Variants in PRORP observed in about 807,000 individuals in gnomAD.
PRORP encodes mitochondrial ribonuclease P catalytic subunit.
A neutral mutation model predicts 59.4 loss-of-function variants in PRORP; 51 were observed. That is an observed-to-expected ratio of 0.86 (90% CI 0.69 to 1.08). The LOEUF is 1.08. PRORP is among the 50% of genes least tolerant of loss of function. The pLI, the probability that PRORP is intolerant of heterozygous loss-of-function variation, is 0.00. For missense variants in PRORP, 646 were observed against 690.3 expected, an observed-to-expected ratio of 0.94 and a Z score of 0.72; for synonymous variants, 231 against 245.6, an observed-to-expected ratio of 0.94 and a Z score of 0.55.
chr14:35,230,781 A>G (rs574951529), intron 5 of PRORP, among the ~76,000 whole-genome samples: 1 of 152,334 alleles, frequency 6.6e-6, no homozygotes, highest in East Asian at 1.9e-4. Flanking sequence ...TGCTGGTCTC[A>G]AACTCCTCCA....
rs796550927 is a variant in PRORP at position 35,275,584 on chromosome 14, A to G, written c.*2018A>G. ...TTTTTAAGTAACTATCATAGTTTTA[A>G]GAAAAACATTTTAAGAAGACAAAAA... is the stretch of plus-strand genomic sequence containing the variant. On this transcript the variant is annotated 3_prime_UTR_variant, in exon 8 of 8. Coordinates refer to ENST00000534898, the MANE Select transcript of PRORP (RefSeq NM_014672.4). The G allele has an allele frequency of 1.3e-5, 2 of 152,370 alleles. No individual in the cohort carries two copies. Among genetic ancestry groups the G allele is most frequent in the African/African-American group, 4.8e-5 (2 of 41,596 alleles). 9.4% of individuals were successfully genotyped at this position (152,370 alleles called of 1,614,324 possible).
At chr14:35,257,503 A>G (rs1475414361) in intron 5 of PRORP, among the ~76,000 whole-genome samples, 1 of 152,176 alleles carries the variant, frequency 6.6e-6, no homozygotes, top group Non-Finnish European at 1.5e-5. Context: ...AAGTTCATCC[A>G]TGTTGTAGCA....
intron 5 of PRORP, among the ~76,000 whole-genome samples, chr14:35,213,658 T>A (rs1449094881): frequency 6.6e-6 from 1 of 152,114 alleles, no homozygotes; most frequent in Non-Finnish European, 1.5e-5. Context: ...TATTATTATG[T>A]CTTGGGGAAA....
At chr14:35,189,935 C>T (rs1226528659) in intron 5 of PRORP, among the ~76,000 whole-genome samples, 1 of 151,280 alleles carries the variant, frequency 6.6e-6, no homozygotes, top group Non-Finnish European at 1.5e-5. Context: ...ATGCTGAAAC[C>T]CTGTCTCTAC....
chr14:35,226,114 C>A (rs2049927493), intron 5 of PRORP, among the ~76,000 whole-genome samples: 1 of 152,078 alleles, frequency 6.6e-6, no homozygotes, highest in South Asian at 2.1e-4. Flanking sequence ...AACAAAGACC[C>A]TCTGTTGTTA....
chr14:35,147,646 T>A (rs1448625384), intron 4 of PRORP, among the ~76,000 whole-genome samples: 1 of 152,216 alleles, frequency 6.6e-6, no homozygotes, highest in East Asian at 1.9e-4. Context: ...TGTGGCAATT[T>A]CTTAAAATAA....
intron 4 of PRORP, among the ~76,000 whole-genome samples, chr14:35,136,073 T>G (rs2138826200): frequency 6.6e-6 from 1 of 151,534 alleles, no homozygotes; most frequent in South Asian, 2.1e-4. Context: ...GGCACTGGAG[T>G]TGAGTCAGAC....
At chr14:35,130,380 C>T (rs1244062384) in intron 4 of PRORP, among the ~76,000 whole-genome samples, 1 of 144,362 alleles carries the variant, frequency 6.9e-6, no homozygotes, top group Admixed American at 7.0e-5. Flanking sequence ...AGTTTACACA[C>T]CATAGTTACA....
At chr14:35,258,048 A>G (rs368799576) in intron 5 of PRORP, among the ~76,000 whole-genome samples, 1 of 139,786 alleles carries the variant, frequency 7.2e-6, no homozygotes, top group Non-Finnish European at 1.5e-5. Context: ...GATGTGTCAC[A>G]TATGAGTAAA....
At chr14:35,267,005 AGATTTGAGACAACTTAC>A in intron 6 of PRORP, 130 bp downstream of exon 6, 4 of 872,114 alleles carry the variant, frequency 4.6e-6, no homozygotes, top group Non-Finnish European at 6.5e-6. Flanking sequence ...AAAAAAAAAA[AGATTTGAGACAACTTAC>A]AAAACTACGG....
intron 5 of PRORP, chr14:35,262,613 A>T (rs1033355769): frequency 1.4e-6 from 1 of 735,856 alleles, no homozygotes. Flanking sequence ...GAAAGAAAGA[A>T]AAGAGGCTCC....
At chr14:35,190,619 C>T (rs2048859358) in intron 5 of PRORP, among the ~76,000 whole-genome samples, 1 of 151,942 alleles carries the variant, frequency 6.6e-6, no homozygotes. Context: ...AATTCTCCTG[C>T]CTCAGCCGCC....
intron 4 of PRORP, among the ~76,000 whole-genome samples, chr14:35,179,083 G>A (rs1184969379): frequency 6.6e-6 from 1 of 152,178 alleles, no homozygotes; most frequent in Non-Finnish European, 1.5e-5. Context: ...CTCTCTTCTG[G>A]CTTGTAGAGT....
chr14:35,150,233 C>T (rs1318112275), intron 4 of PRORP, among the ~76,000 whole-genome samples: 1 of 152,204 alleles, frequency 6.6e-6, no homozygotes, highest in Non-Finnish European at 1.5e-5. Context: ...CTCTTCCTTT[C>T]ACTTGAACAC....
intron 5 of PRORP, among the ~76,000 whole-genome samples, chr14:35,265,088 C>T (rs1223774390): frequency 1.3e-5 from 2 of 152,060 alleles, no homozygotes; most frequent in East Asian, 1.9e-4. Context: ...ATAACAGGTA[C>T]GAATGTAATA....
chr14:35,256,869 C>CTTTTTTTTTTTTTTTTTTTTTT (rs71121272), intron 5 of PRORP, among the ~76,000 whole-genome samples: 1 of 136,896 alleles, frequency 7.3e-6, no homozygotes, highest in Non-Finnish European at 1.6e-5. Flanking sequence ...TGATAAAATC[C>CTTTTTTTTTTTTTTTTTTTTTT]TTTTTTTTTT....
intron 5 of PRORP, among the ~76,000 whole-genome samples, chr14:35,201,155 ATATCAAAAG>A (rs1210928664): frequency 6.6e-6 from 1 of 152,246 alleles, no homozygotes; most frequent in Non-Finnish European, 1.5e-5. Flanking sequence ...TCGTCATACC[ATATCAAAAG>A]TAGATAGTAT....
chr14:35,246,947 G>A (rs1339906995), intron 5 of PRORP, among the ~76,000 whole-genome samples: 1 of 152,140 alleles, frequency 6.6e-6, no homozygotes, highest in African/African-American at 2.4e-5. Flanking sequence ...CGTAGTAATA[G>A]CTAACATTTA....
chr14:35,242,042 G>A (rs1174850745), intron 5 of PRORP, among the ~76,000 whole-genome samples: 2 of 152,050 alleles, frequency 1.3e-5, no homozygotes, highest in Admixed American at 6.6e-5. Context: ...GTAGTACCTG[G>A]AGCAGAAAAG....
Sources: allele counts gnomAD v4.1 joint callset (sites outside exome capture counted in the v4.1 genomes callset), GRCh38; gene constraint gnomAD v4.1.1; transcripts MANE v1.5; gene names NCBI Gene and HGNC (gene_info 2026-07-23, HGNC 2026-07-21).